The following FAM200B variants were observed in gnomAD, a reference collection of about 807,000 sequenced individuals.
FAM200B encodes the protein protein FAM200B.
In FAM200B, 32 loss-of-function variants were observed where a neutral mutation model predicts 33.1. The ratio of observed to expected loss-of-function variants is 0.97; its 90% confidence interval spans 0.73 to 1.30. The LOEUF (loss-of-function observed/expected upper bound fraction) is 1.30, where lower values mean the gene tolerates loss of function less well. Ranked by LOEUF, FAM200B falls within the 50% of genes most tolerant of loss-of-function variation. The pLI is 0.00. For synonymous variants in FAM200B, 240 were observed against 264.8 expected (o/e 0.91, Z 0.91); for missense variants, 741 against 754.0 (o/e 0.98, Z 0.20).
the FAM200B span, among the ~76,000 whole-genome samples, chr4:15,663,697 A>AT: frequency 1.8e-4 from 27 of 151,828 alleles, no homozygotes; most frequent in East Asian, 4.8e-3. Flanking sequence ...CTGTCACATA[A>AT]TTTTTTTTTA....
the FAM200B span, among the ~76,000 whole-genome samples, chr4:15,668,309 A>T: frequency 6.6e-6 from 1 of 151,752 alleles, no homozygotes; most frequent in African/African-American, 2.4e-5. Context: ...CACTTGAACC[A>T]CATTTTCAAA....
At chr4:15,681,788 G>C (rs1317358020), upstream of FAM200B, 1 of 152,890 alleles carries the variant, frequency 6.5e-6, no homozygotes, top group African/African-American at 2.4e-5. Flanking sequence ...TTGTGAGGTA[G>C]GCCGGAAGTG....
the FAM200B span, among the ~76,000 whole-genome samples, chr4:15,665,425 A>G: frequency 5.3e-5 from 8 of 152,134 alleles, no homozygotes; most frequent in Admixed American, 2.0e-4. Context: ...CATTTCTTCT[A>G]TCCTTAGGAT....
In FAM200B at chr4:15,686,999, A is replaced by T. The variant is rs767601302; in HGVS notation, c.22A>T (p.Arg8Ter). The change falls in exon 2 of 2, where the codon AGA (arginine) becomes TGA (stop). Residue 8 changes from arginine (R) to a stop codon, truncating the protein, a stop_gained. Coordinates refer to ENST00000422728, the MANE Select transcript of FAM200B (RefSeq NM_001145191.2). LOFTEE classifies it high-confidence loss of function. MDHFFIK[R>*]KRNSEVKYTE... is the part of the protein sequence containing the mutation. ...TAAAATGGATCATTTCTTTATTAAA[A>T]GAAAGAGGAATAGTGAAGTGAAATA... 7.1e-7 allele frequency: 1 copy of T among 1,409,014 alleles called. No individual in the cohort carries two copies. Among genetic ancestry groups the T allele is most frequent in the South Asian group, 1.5e-5 (1 of 64,528 alleles). 87.3% of individuals were successfully genotyped at this position (1,409,014 alleles called of 1,614,324 possible).
the FAM200B span, among the ~76,000 whole-genome samples, chr4:15,653,660 T>G: frequency 6.6e-6 from 1 of 152,002 alleles, no homozygotes; most frequent in Non-Finnish European, 1.5e-5. Context: ...TTTTCTTTCC[T>G]GCTATTAAAG....
the FAM200B span, among the ~76,000 whole-genome samples, chr4:15,666,340 C>T: frequency 6.6e-6 from 1 of 152,064 alleles, no homozygotes; most frequent in South Asian, 2.1e-4. Flanking sequence ...GTCCAGCCTG[C>T]AATGAGCCAT....
At chr4:15,682,298 T>G (rs1467463129) in intron 1 of FAM200B, among the ~76,000 whole-genome samples, 1 of 152,230 alleles carries the variant, frequency 6.6e-6, no homozygotes, top group Non-Finnish European at 1.5e-5. Flanking sequence ...TTAGTGGCAG[T>G]ATGACAGATT....
chr4:15,671,462 A>T, the FAM200B span, among the ~76,000 whole-genome samples: 1 of 150,918 alleles, frequency 6.6e-6, no homozygotes, highest in Admixed American at 6.6e-5. Context: ...TTTAAGAGAC[A>T]GGGTCTCTCC....
the FAM200B span, among the ~76,000 whole-genome samples, chr4:15,648,852 C>T: frequency 6.6e-6 from 1 of 152,210 alleles, no homozygotes; most frequent in Admixed American, 6.5e-5. Flanking sequence ...GAGAGTACAT[C>T]CTCTGTGTCT....
the FAM200B span, among the ~76,000 whole-genome samples, chr4:15,653,171 A>G: frequency 6.6e-6 from 1 of 152,184 alleles, no homozygotes; most frequent in Non-Finnish European, 1.5e-5. Context: ...TTCGTGATAA[A>G]CGTATACAAC....
the FAM200B span, among the ~76,000 whole-genome samples, chr4:15,654,753 G>A: frequency 6.6e-6 from 1 of 152,172 alleles, no homozygotes; most frequent in African/African-American, 2.4e-5. Context: ...GGAGAGCCCC[G>A]AACAGGCCCG....
the FAM200B span, among the ~76,000 whole-genome samples, chr4:15,641,968 C>T: frequency 5.7e-4 from 87 of 151,550 alleles, 1 homozygote; most frequent in Middle Eastern, 0.01. Flanking sequence ...AAGGAGGTTG[C>T]GGTGAGCCGA....
chr4:15,638,375 A>AAAATAATGCCTTTAACTG, the FAM200B span: 1 of 494,164 alleles, frequency 2.0e-6, no homozygotes, highest in African/African-American at 2.0e-5. Flanking sequence ...TTGATACATG[A>AAAATAATGCCTTTAACTG]AAATAATGCC....
chr4:15,656,948 A>G, the FAM200B span, among the ~76,000 whole-genome samples: 1 of 152,142 alleles, frequency 6.6e-6, no homozygotes, highest in Non-Finnish European at 1.5e-5. Flanking sequence ...ATCTGACAGT[A>G]CCCCCAGAGT....
In FAM200B at chr4:15,688,855, A is replaced by G. The variant is rs113807824; in HGVS notation, c.1878A>G (p.Arg626=). 4.5e-6 allele frequency: 7 copies of G among 1,551,526 alleles called. 1 individual carries two copies. The highest frequency in any genetic ancestry group is 1.4e-5 in the African/African-American group (1 of 73,180). Residue 626 remains arginine (R), a synonymous_variant, in exon 2 of 2, where the codon AGA becomes AGG. Coordinates refer to ENST00000422728, the MANE Select transcript of FAM200B (RefSeq NM_001145191.2). The part of the protein sequence containing the change: ...SILTQLKTKE[R]NGLNCAAVMR... ...TAACGCAGTTAAAAACAAAGGAAAG[A>G]AATGGGCTGAATTGTGCAGCAGTTA...
In FAM200B at chr4:15,688,137, G is replaced by A. The variant is rs1178148940; in HGVS notation, c.1160G>A (p.Arg387His). Reference sequence around the variant, plus strand: ...CACTTACTATATCATACCAAAATTCGTTGGTTGTCTCAAGGGAAAATACTA... The same window carrying A: ...CACTTACTATATCATACCAAAATTCATTGGTTGTCTCAAGGGAAAATACTA... ...HTHLLYHTKIRWLSQGKILSR... is the reference protein window; with the variant it reads ...HTHLLYHTKIHWLSQGKILSR... The change falls in exon 2 of 2, where the codon CGT becomes CAT. Residue 387 changes from arginine (R) to histidine (H), a missense_variant. Coordinates refer to ENST00000422728, the MANE Select transcript of FAM200B (RefSeq NM_001145191.2). 9 of 1,550,734 alleles carry A rather than the reference G, an allele frequency of 5.8e-6. No individual in the cohort carries two copies. Among genetic ancestry groups the A allele is most frequent in the African/African-American group, 4.1e-5 (3 of 72,968 alleles).
At chr4:15,666,507 G>A in the FAM200B span, among the ~76,000 whole-genome samples, 1 of 152,158 alleles carries the variant, frequency 6.6e-6, no homozygotes, top group African/African-American at 2.4e-5. Context: ...GAGGCTGTGG[G>A]GGTGGGAATG....
At chr4:15,661,067 G>A in the FAM200B span, among the ~76,000 whole-genome samples, 50,581 of 150,440 alleles carry the variant, frequency 0.34, 8,815 homozygotes, top group Non-Finnish European at 0.37. Context: ...ACAGAGCAAG[G>A]CTCCATTTCA....
chr4:15,644,685 G>A, the FAM200B span: 1 of 1,608,710 alleles, frequency 6.2e-7, no homozygotes, highest in Non-Finnish European at 8.5e-7. Flanking sequence ...AATCGTTGTT[G>A]TTGGAAAAAT....
Sources: allele counts gnomAD v4.1 joint callset (sites outside exome capture counted in the v4.1 genomes callset), GRCh38; gene constraint gnomAD v4.1.1; transcripts MANE v1.5; gene names NCBI Gene and HGNC (gene_info 2026-07-23, HGNC 2026-07-21).